PPP2R3C: variants seen among roughly 807,000 people sequenced by gnomAD.
PPP2R3C encodes serine/threonine-protein phosphatase 2A regulatory subunit B'' subunit gamma.
PPP2R3C carries 47 observed loss-of-function variants against 63.7 expected under a neutral mutation model. The ratio of observed to expected loss-of-function variants is 0.74; its 90% CI spans 0.58 to 0.94. PPP2R3C has a LOEUF of 0.94. Ranked by LOEUF, PPP2R3C falls within the 40% of genes least tolerant of loss-of-function variation. The pLI is 0.00. For missense variants in PPP2R3C, 421 were observed against 518.4 expected (o/e 0.81, Z 1.82); for synonymous variants, 180 against 177.4 (o/e 1.01, Z -0.12).
intron 6 of PPP2R3C, 95 bp from the exon 7 acceptor site, chr14:35,099,479 A>G: frequency 7.5e-7 from 1 of 1,339,550 alleles, no homozygotes; most frequent in Non-Finnish European, 9.9e-7. Flanking sequence ...TTAATACTAT[A>G]TTGATAAAGA....
At chr14:35,097,454 G>T (rs931385514) in intron 7 of PPP2R3C, among the ~76,000 whole-genome samples, 9 of 151,648 alleles carry the variant, frequency 5.9e-5, no homozygotes, top group Non-Finnish European at 1.0e-4. Context: ...TGGTTTAAGA[G>T]CAGAGTTTGT....
chr14:35,095,144 G>C lies in PPP2R3C; in HGVS notation c.879C>G (p.Leu293=). Residue 293 remains leucine (L), a synonymous_variant, in exon 10 of 13, where the codon CTC becomes CTG. Coordinates refer to ENST00000261475, the MANE Select transcript of PPP2R3C (RefSeq NM_017917.4). ...LNLDKDHNGM[L]SKEELSRYGT... is the part of the protein sequence containing the mutation. ...CATAGCGTGAGAGTTCTTCTTTACTGAGCATGCCATTGTGATCTTTATCAA... is the reference window on the plus strand; with the variant it reads ...CATAGCGTGAGAGTTCTTCTTTACTCAGCATGCCATTGTGATCTTTATCAA... 1 of 1,613,524 alleles carries C rather than the reference G, an allele frequency of 6.2e-7. No homozygotes were observed. The highest frequency in any genetic ancestry group is 8.5e-7 in the Non-Finnish European group (1 of 1,179,462).
At chr14:35,101,524 G>A (rs2046190199) in intron 6 of PPP2R3C, 1 of 152,120 alleles carries the variant, frequency 6.6e-6, no homozygotes, top group South Asian at 2.1e-4. Context: ...TCATTAAATT[G>A]TTTAAAATTA....
At position 35,117,005 on chromosome 14, in the gene PPP2R3C, T is replaced by C. The variant is rs904563974; in HGVS notation, c.59-268A>G. The C allele has an allele frequency of 6.9e-6, 3 of 432,498 alleles. No homozygotes were observed. In the East Asian group the frequency reaches 2.1e-4, roughly 30 times the overall value. 26.8% of individuals were successfully genotyped at this position (432,498 alleles called of 1,614,324 possible). A position where few individuals can be genotyped will look rare whatever the true frequency, so the allele number is the denominator to read the frequency against. ...GCTAAAGCTAGTCTCTTCCTCAAAT[T>C]ACCTCTCCTACAGAACTCTGTAGAG... On this transcript the variant is annotated intron_variant, in intron 1 of 12. Transcript: ENST00000261475.
At chr14:35,115,157 TTTTC>T (rs1301841580) in intron 2 of PPP2R3C, among the ~76,000 whole-genome samples, 27 of 150,796 alleles carry the variant, frequency 1.8e-4, no homozygotes, top group Admixed American at 2.0e-4. Flanking sequence ...GCTTTTTTTT[TTTTC>T]TTTTTCTTTT....
intron 6 of PPP2R3C, among the ~76,000 whole-genome samples, chr14:35,104,628 T>A (rs771383602): frequency 6.6e-6 from 1 of 152,208 alleles, no homozygotes; most frequent in African/African-American, 2.4e-5. Flanking sequence ...TGTTGATAAC[T>A]TGGCCTAATT....
intron 6 of PPP2R3C, among the ~76,000 whole-genome samples, chr14:35,105,076 T>C (rs1456308561): frequency 1.3e-5 from 2 of 151,664 alleles, no homozygotes; most frequent in African/African-American, 4.8e-5. Context: ...GGGGGTGGAA[T>C]TCTTGGCCCT....
intron 12 of PPP2R3C, chr14:35,085,982 A>C (rs2045580955): frequency 1.9e-6 from 1 of 531,508 alleles, no homozygotes; most frequent in South Asian, 2.5e-5. Context: ...CTACAACCAC[A>C]AAATTTTATT....
At chr14:35,097,508 G>A (rs1376079780) in intron 7 of PPP2R3C, among the ~76,000 whole-genome samples, 1 of 147,166 alleles carries the variant, frequency 6.8e-6, no homozygotes, top group Admixed American at 6.8e-5. Flanking sequence ...TTGAGACAGA[G>A]TTTCGCTCTT....
chr14:35,110,106 G>C (rs1268124911), intron 3 of PPP2R3C, 175 bp from the exon 4 acceptor site: 3 of 539,864 alleles, frequency 5.6e-6, no homozygotes, highest in Non-Finnish European at 9.7e-6. Context: ...CATTTATTGA[G>C]TGCCTACTAA....
intron 9 of PPP2R3C, among the ~76,000 whole-genome samples, chr14:35,096,039 G>A (rs2045988921): frequency 6.6e-6 from 1 of 152,056 alleles, no homozygotes; most frequent in South Asian, 2.1e-4. Context: ...AAAAGGAAGT[G>A]TATAACTTAA....
chr14:35,102,577 T>G (rs912465981), intron 6 of PPP2R3C: 1 of 152,118 alleles, frequency 6.6e-6, no homozygotes, highest in Non-Finnish European at 1.5e-5. Flanking sequence ...GCCTTCACAC[T>G]CCTTACCCTG....
intron 6 of PPP2R3C, among the ~76,000 whole-genome samples, chr14:35,102,947 A>C (rs1184350926): frequency 6.6e-6 from 1 of 151,954 alleles, no homozygotes; most frequent in African/African-American, 2.4e-5. Flanking sequence ...TTTAGTGGAG[A>C]CGGGGTTTCG....
At chr14:35,114,511 A>C (rs2046652648) in intron 2 of PPP2R3C, among the ~76,000 whole-genome samples, 1 of 152,232 alleles carries the variant, frequency 6.6e-6, no homozygotes, top group Non-Finnish European at 1.5e-5. Context: ...CTTGCAAATA[A>C]CGTTGTAATT....
intron 7 of PPP2R3C, chr14:35,098,710 C>T (rs1447233581): frequency 6.6e-6 from 1 of 152,476 alleles, no homozygotes; most frequent in African/African-American, 2.4e-5. Flanking sequence ...CTTCTCTGTC[C>T]TTTCCTCTGC....
chr14:35,092,339 G>C (rs1423635426), intron 10 of PPP2R3C, among the ~76,000 whole-genome samples: 1 of 152,166 alleles, frequency 6.6e-6, no homozygotes, highest in Non-Finnish European at 1.5e-5. Context: ...CAAAGTGCTG[G>C]GACTAGAGGG....
intron 2 of PPP2R3C, among the ~76,000 whole-genome samples, chr14:35,114,253 ATGT>A (rs1338521467): frequency 1.3e-5 from 2 of 152,232 alleles, no homozygotes; most frequent in East Asian, 1.9e-4. Context: ...TTGTTGGGTG[ATGT>A]TGTCATGGGA....
intron 2 of PPP2R3C, among the ~76,000 whole-genome samples, chr14:35,113,309 GAAGA>G (rs1346863671): frequency 6.6e-6 from 1 of 152,122 alleles, no homozygotes; most frequent in Non-Finnish European, 1.5e-5. Flanking sequence ...TGGAGAGGAA[GAAGA>G]AAGAAGGGAA....
At chr14:35,122,007 T>A (rs377161064), upstream of PPP2R3C, 1 of 1,606,638 alleles carries the variant, frequency 6.2e-7, no homozygotes, top group South Asian at 1.1e-5. Context: ...TCCTACCTGC[T>A]CCACCCCTAC....
Sources: gnomAD v4.1 joint callset for allele counts (sites outside exome capture counted in the v4.1 genomes callset) on GRCh38, gnomAD v4.1.1 for gene constraint, MANE v1.5 for transcripts, NCBI Gene and HGNC (gene_info 2026-07-23, HGNC 2026-07-21) for gene names.